CUX1: variants seen among roughly 807,000 people sequenced by gnomAD.
CUX1 encodes the protein cut like homeobox 1.
Under a neutral mutation model 158.8 loss-of-function variants are expected in CUX1, and 31 were observed. The observed-to-expected ratio is 0.20, with a 90% CI of 0.15 to 0.26. The LOEUF is 0.26. CUX1 is among the 10% of genes least tolerant of loss of function. The pLI, the probability that CUX1 is intolerant of heterozygous loss-of-function variation, is 1.00. For missense variants in CUX1, 1,589 were observed against 2,014.6 expected, an observed-to-expected ratio of 0.79 and a Z score of 4.04; for synonymous variants, 879 against 862.1, an observed-to-expected ratio of 1.02 and a Z score of -0.34.
At chr7:102,108,887 T>C (rs782738214) in intron 6 of CUX1, among the ~76,000 whole-genome samples, 4 of 152,024 alleles carry the variant, frequency 2.6e-5, no homozygotes, top group Non-Finnish European at 4.4e-5. Context: ...CCCAAATAGC[T>C]GGGGTTACAG....
chr7:101,829,550 T>A (rs908415988), intron 1 of CUX1, among the ~76,000 whole-genome samples: 1 of 151,994 alleles, frequency 6.6e-6, no homozygotes, highest in Non-Finnish European at 1.5e-5. Flanking sequence ...CCTGCGCTGT[T>A]CCCTAGACAA....
rs565747367 is a variant in CUX1, at chr7:102,225,006, C to T, written c.3131-2361C>T. Among the ~76,000 whole-genome samples the T allele has an allele frequency of 5.9e-5, 9 of 152,322 alleles. No individual in the cohort carries two copies. In the South Asian group the frequency reaches 1.2e-3, roughly 21 times the overall value. The stretch of plus-strand genomic sequence containing the variant: ...GCATGGGTGAATCACGCCATCCTTA[C>T]GGTACGGTTCCTCTGCCGGCTTCAG... On this transcript the variant is annotated intron_variant, in intron 20 of 23. Transcript: ENST00000292535.
chr7:102,253,959 A>T lies in CUX1; in HGVS notation c.*4917A>T. On this transcript the variant is annotated 3_prime_UTR_variant, in exon 24 of 24. Transcript: ENST00000292535. ...CTCACTAACCTGTCTTCTCCATCTG[A>T]TGTCACCCAGAACCACACCCCACAG... is the stretch of plus-strand genomic sequence containing the variant. 8 of 985,382 alleles carry T rather than the reference A, an allele frequency of 8.1e-6. No individual in the cohort carries two copies. Among genetic ancestry groups the T allele is most frequent in the Non-Finnish European group, 9.6e-6 (8 of 829,982 alleles). The allele number at this position is 985,382 out of a possible 1,614,324, so 61.0% of individuals were successfully genotyped here.
At chr7:101,913,851 CT>C (rs1248288593) in intron 1 of CUX1, among the ~76,000 whole-genome samples, 1 of 151,484 alleles carries the variant, frequency 6.6e-6, no homozygotes, top group Non-Finnish European at 1.5e-5. Context: ...CTTTTTTTTT[CT>C]TTTTTGTCAT....
At chr7:102,076,406 A>C (rs1826731901) in intron 4 of CUX1, among the ~76,000 whole-genome samples, 1 of 152,038 alleles carries the variant, frequency 6.6e-6, no homozygotes, top group African/African-American at 2.4e-5. Context: ...ATTAAAAAAA[A>C]AAGACACCAA....
In CUX1 at chr7:102,230,036, C is replaced by T. The variant is rs138806678; in HGVS notation, c.3433+2367C>T. ...ACCCACCCTTTCTATCTTTATTTCC[C>T]AAGGGTGAAAGTCAGTTAAAGGGGC... On this transcript the variant is annotated intron_variant, in intron 21 of 23. Coordinates refer to ENST00000292535, the MANE Select transcript of CUX1 (RefSeq NM_181552.4). Among the ~76,000 whole-genome samples, 186 of 152,306 alleles carry T rather than the reference C, an allele frequency of 1.2e-3. 1 individual carries two copies. Among genetic ancestry groups the T allele is most frequent in the Non-Finnish European group, 1.6e-3 (108 of 68,030 alleles).
chr7:102,088,690 T>A (rs1828203350), intron 4 of CUX1, among the ~76,000 whole-genome samples: 1 of 152,168 alleles, frequency 6.6e-6, no homozygotes, highest in African/African-American at 2.4e-5. Context: ...GGGTTCTGGT[T>A]TTTTCTCTCT....
chr7:102,069,192 C>T (rs551591473), intron 3 of CUX1, among the ~76,000 whole-genome samples: 194 of 152,292 alleles, frequency 1.3e-3, no homozygotes, highest in African/African-American at 4.4e-3. Flanking sequence ...TCCTCCCTGC[C>T]CCCTCCTGTG....
chr7:102,107,415 C>G (rs1830471248), intron 6 of CUX1, among the ~76,000 whole-genome samples: 1 of 152,062 alleles, frequency 6.6e-6, no homozygotes, highest in Non-Finnish European at 1.5e-5. Flanking sequence ...TGGCACATGC[C>G]TGTAATCCCA....
intron 4 of CUX1, among the ~76,000 whole-genome samples, chr7:102,095,080 A>T (rs1316951318): frequency 1.3e-5 from 2 of 151,776 alleles, no homozygotes; most frequent in African/African-American, 2.4e-5. Flanking sequence ...GCTCAATGCA[A>T]CCTCGACCTC....
intron 1 of CUX1, among the ~76,000 whole-genome samples, chr7:101,861,088 A>G (rs963741087): frequency 1.3e-5 from 2 of 152,018 alleles, no homozygotes; most frequent in Admixed American, 6.6e-5. Flanking sequence ...GGCCTGCACT[A>G]GTTTTTTTTG....
chr7:101,967,828 A>T (rs1811425991), intron 2 of CUX1, among the ~76,000 whole-genome samples: 1 of 152,180 alleles, frequency 6.6e-6, no homozygotes, highest in Non-Finnish European at 1.5e-5. Context: ...GACGTCTGTA[A>T]GGTCCTTGTA....
intron 4 of CUX1, among the ~76,000 whole-genome samples, chr7:102,093,117 GA>G (rs1828790691): frequency 6.7e-6 from 1 of 148,950 alleles, no homozygotes; most frequent in African/African-American, 2.5e-5. Flanking sequence ...AATTAGTACT[GA>G]AAGAGATTTT....
intron 1 of CUX1, among the ~76,000 whole-genome samples, chr7:101,840,291 C>T (rs1479740961): frequency 6.6e-6 from 1 of 152,148 alleles, no homozygotes; most frequent in Non-Finnish European, 1.5e-5. Context: ...TGGCTAGAAT[C>T]TGAAGTACTC....
intron 5 of CUX1, among the ~76,000 whole-genome samples, chr7:102,098,635 G>T: frequency 7.6e-6 from 1 of 132,008 alleles, no homozygotes; most frequent in Non-Finnish European, 1.6e-5. Flanking sequence ...AAGTTAATTG[G>T]CAAAGACTTC....
chr7:102,029,575 C>T (rs1253090613), intron 3 of CUX1, among the ~76,000 whole-genome samples: 2 of 152,054 alleles, frequency 1.3e-5, no homozygotes, highest in South Asian at 2.1e-4. Flanking sequence ...GACAGAGAGG[C>T]GATTTCAGGA....
intron 1 of CUX1, among the ~76,000 whole-genome samples, chr7:101,911,992 C>T (rs1295352110): frequency 1.8e-4 from 28 of 152,210 alleles, no homozygotes; most frequent in Admixed American, 1.8e-3. Context: ...GTCTCAGCCT[C>T]GTTGGAAGTG....
Position 101,817,996 on chromosome 7 carries a change from A to C in CUX1, c.30+327A>C, listed in dbSNP as rs1367894341. Among the ~76,000 whole-genome samples, 1 of 152,208 alleles carries C rather than the reference A, an allele frequency of 6.6e-6. No homozygotes were observed. Among genetic ancestry groups the C allele is most frequent in the Non-Finnish European group, 1.5e-5 (1 of 68,030 alleles). On this transcript the variant is annotated intron_variant, in intron 1 of 23. Coordinates refer to ENST00000292535, the MANE Select transcript of CUX1 (RefSeq NM_181552.4). The surrounding 1 kb of genome is among the most constrained non-coding windows in gnomAD (Gnocchi z 4.1). ...AAACATATTTAAATGGAATCTGACA[A>C]CTTTAATTGTATATGCTTGTTTTCT...
At position 101,817,932 on chromosome 7, in the gene CUX1, C is replaced by G. The variant is rs1490766879; in HGVS notation, c.30+263C>G. 6.6e-6 allele frequency among the ~76,000 whole-genome samples: 1 copy of G among 152,150 alleles called. No individual in the cohort carries two copies. Among genetic ancestry groups the G allele is most frequent in the Non-Finnish European group, 1.5e-5 (1 of 68,022 alleles). On this transcript the variant is annotated intron_variant, in intron 1 of 23. Transcript: ENST00000292535. This position sits in a 1 kb window ranked among gnomAD's most constrained non-coding sequence, Gnocchi z 4.1. ...CCGCAATACCTTTGGGAGCAAAGCT[C>G]GAGATGCAGGCTTGTATCAAACGAA...
Sources: allele counts gnomAD v4.1 joint callset (sites outside exome capture counted in the v4.1 genomes callset), GRCh38; gene constraint gnomAD v4.1.1; non-coding constraint Gnocchi (gnomAD v3.1); transcripts MANE v1.5; gene names NCBI Gene and HGNC (gene_info 2026-07-23, HGNC 2026-07-21).